Variants in LRCH1 observed in about 807,000 individuals in gnomAD.
LRCH1 encodes the protein leucine-rich repeat and calponin homology domain-containing protein 1.
In LRCH1, 23 loss-of-function variants were observed where a neutral mutation model predicts 94.9. That is an observed-to-expected ratio of 0.24 (90% CI 0.17 to 0.34). The LOEUF is 0.34. Ranked by LOEUF, LRCH1 falls within the 10% of genes least tolerant of loss-of-function variation. The pLI is 1.00. For missense variants in LRCH1, 790 were observed against 945.9 expected (o/e 0.84, Z 2.16); for synonymous variants, 364 against 354.9 (o/e 1.03, Z -0.29).
chr13:46,630,401 G>A (rs1474521895), intron 1 of LRCH1, among the ~76,000 whole-genome samples: 2 of 152,186 alleles, frequency 1.3e-5, no homozygotes, highest in Non-Finnish European at 2.9e-5. Flanking sequence ...CAAACTCAAA[G>A]AATCAGAGTG....
chr13:46,571,901 C>T (rs896909594), intron 1 of LRCH1, among the ~76,000 whole-genome samples: 5 of 140,500 alleles, frequency 3.6e-5, no homozygotes, highest in Non-Finnish European at 4.7e-5. Flanking sequence ...AGAGAAAGAG[C>T]GGGAGGGAGG....
At chr13:46,711,879 T>C in intron 14 of LRCH1, 35 bp downstream of exon 14, 1 of 1,487,774 alleles carries the variant, frequency 6.7e-7, no homozygotes, top group South Asian at 1.1e-5. Flanking sequence ...AGGTGAGGTG[T>C]TTCTTGATGG....
At chr13:46,645,763 G>A (rs1227435177) in intron 1 of LRCH1, among the ~76,000 whole-genome samples, 4 of 152,132 alleles carry the variant, frequency 2.6e-5, no homozygotes, top group Admixed American at 1.3e-4. Flanking sequence ...CTATGTGACA[G>A]TATTGCTACA....
chr13:46,673,999 G>T (rs2051638409), intron 3 of LRCH1, among the ~76,000 whole-genome samples: 1 of 152,088 alleles, frequency 6.6e-6, no homozygotes, highest in South Asian at 2.1e-4. Flanking sequence ...CCAGGCTGCT[G>T]TCGAACTCCT....
chr13:46,653,041 G>T (rs2051326828), intron 2 of LRCH1, among the ~76,000 whole-genome samples: 1 of 152,208 alleles, frequency 6.6e-6, no homozygotes, highest in Non-Finnish European at 1.5e-5. Context: ...ATCTGAGGAT[G>T]TTTTAAGGCA....
At chr13:46,695,237 AT>A (rs1403496794) in intron 9 of LRCH1, among the ~76,000 whole-genome samples, 1 of 151,970 alleles carries the variant, frequency 6.6e-6, no homozygotes, top group Non-Finnish European at 1.5e-5. Flanking sequence ...TATGGATCTG[AT>A]TTTCTTTCCG....
intron 1 of LRCH1, among the ~76,000 whole-genome samples, chr13:46,615,946 C>A (rs965452546): frequency 6.6e-6 from 1 of 151,574 alleles, no homozygotes; most frequent in Non-Finnish European, 1.5e-5. Context: ...TCTGTTTGTA[C>A]CCCTGTACAA....
intron 1 of LRCH1, among the ~76,000 whole-genome samples, chr13:46,565,411 A>C (rs2137908200): frequency 6.6e-6 from 1 of 152,194 alleles, no homozygotes; most frequent in African/African-American, 2.4e-5. Context: ...TGGTGAAATG[A>C]CTTTCCTTCG....
intron 16 of LRCH1, among the ~76,000 whole-genome samples, chr13:46,718,882 A>C (rs1165014400): frequency 7.3e-6 from 1 of 137,186 alleles, no homozygotes; most frequent in Admixed American, 7.5e-5. Flanking sequence ...CATTCAGTTA[A>C]ATTTAGGTAT....
At chr13:46,629,349 G>C (rs1451059150) in intron 1 of LRCH1, among the ~76,000 whole-genome samples, 1 of 152,172 alleles carries the variant, frequency 6.6e-6, no homozygotes, top group Admixed American at 6.5e-5. Context: ...GTTTTTAGCT[G>C]TTCCATAGTA....
At chr13:46,690,974 T>A (rs1870865498) in intron 7 of LRCH1, among the ~76,000 whole-genome samples, 2 of 152,226 alleles carry the variant, frequency 1.3e-5, no homozygotes, top group Non-Finnish European at 2.9e-5. Flanking sequence ...ATTAAAAACA[T>A]CTTTTTATCA....
intron 1 of LRCH1, among the ~76,000 whole-genome samples, chr13:46,623,442 A>G (rs1055895119): frequency 6.6e-6 from 1 of 152,226 alleles, no homozygotes; most frequent in African/African-American, 2.4e-5. Context: ...TAAAATGTCT[A>G]TAAAATGTTA....
rs2050025081 is a variant in LRCH1 at position 46,553,537 on chromosome 13, T to C, written c.141T>C (p.Gly47=). 4 of 1,545,760 alleles carry C rather than the reference T, an allele frequency of 2.6e-6. No individual in the cohort carries two copies. The African/African-American group carries it at 4.1e-5, about 16-fold the overall frequency. Residue 47 remains glycine, a synonymous_variant, in exon 1 of 20, where the codon GGT becomes GGC. Coordinates refer to ENST00000389797, the MANE Select transcript of LRCH1 (RefSeq NM_001164211.2). ...CCGGCGCCCCCGGCGGGGCGGGTGG[T>C]GGCGGCGGTGGCAGCGGGGGCTTCA... The part of the protein sequence containing the change: ...GGTGAPGGAG[G]GGGGSGGFNL...
chr13:46,733,409 TG>T (rs1873210207), intron 18 of LRCH1, among the ~76,000 whole-genome samples: 1 of 152,146 alleles, frequency 6.6e-6, no homozygotes, highest in African/African-American at 2.4e-5. Flanking sequence ...TTAATTGGCC[TG>T]GTGAATTTAG....
intron 1 of LRCH1, among the ~76,000 whole-genome samples, chr13:46,587,425 C>T (rs6561321): frequency 6.6e-6 from 1 of 152,122 alleles, no homozygotes; most frequent in Non-Finnish European, 1.5e-5. Flanking sequence ...CAGATTAGAC[C>T]GCCTTTCAGG....
chr13:46,752,301 G>A (rs1422524461), exon 19 of LRCH1: 1 of 152,284 alleles, frequency 6.6e-6, no homozygotes, highest in East Asian at 1.9e-4. Flanking sequence ...TAGAGCAGCA[G>A]CAGCCACAGT....
At chr13:46,664,437 T>C (rs61949308) in intron 2 of LRCH1, among the ~76,000 whole-genome samples, 2,376 of 152,312 alleles carry the variant, frequency 0.016, 33 homozygotes, top group Middle Eastern at 0.034. Context: ...AAAATACTTA[T>C]CATTGTGTCA....
chr13:46,613,434 C>G (rs2050770177), intron 1 of LRCH1, among the ~76,000 whole-genome samples: 1 of 151,964 alleles, frequency 6.6e-6, no homozygotes, highest in African/African-American at 2.4e-5. Flanking sequence ...TTTATACTCT[C>G]TGCTCCTTCC....
chr13:46,733,962 C>G lies in LRCH1; in HGVS notation c.2049C>G (p.Asn683Lys), dbSNP rs1197149745. 4 of 1,604,588 alleles carry G rather than the reference C, an allele frequency of 2.5e-6. No individual in the cohort carries two copies. Among genetic ancestry groups the G allele is most frequent in the Middle Eastern group, 1.7e-4 (1 of 6,028 alleles). The part of the protein sequence containing the change: ...SMAKCRRNVE[N>K]FLEACRKLGV... Reference sequence around the variant, plus strand: ...CCAAATGCAGAAGAAATGTGGAAAACTTTTTGGAAGCATGCCGAAAATTAG... The same window carrying G: ...CCAAATGCAGAAGAAATGTGGAAAAGTTTTTGGAAGCATGCCGAAAATTAG... Residue 683 changes from asparagine (N) to lysine (K), a missense_variant, in exon 19 of 20, where the codon AAC becomes AAG. Around this residue, in one of 3 missense-constraint regions of LRCH1, gnomAD observed 460 missense variants for 508.9 expected, o/e 0.90. Transcript: ENST00000389797.
Sources: gnomAD v4.1 joint callset for allele counts (sites outside exome capture counted in the v4.1 genomes callset) on GRCh38, gnomAD v4.1.1 for gene constraint, gnomAD v4.1.1 regional missense constraint, MANE v1.5 for transcripts, NCBI Gene and HGNC (gene_info 2026-07-23, HGNC 2026-07-21) for gene names.